ENSA: variants seen among roughly 807,000 people sequenced by gnomAD.
The protein encoded by ENSA is alpha-endosulfine.
In ENSA, 7 loss-of-function variants were observed where a neutral mutation model predicts 16.8. The ratio of observed to expected loss-of-function variants is 0.42; its 90% confidence interval spans 0.24 to 0.78. The LOEUF is 0.78. Ranked by LOEUF, ENSA falls within the 30% of genes least tolerant of loss-of-function variation. ENSA has a pLI of 0.29. For missense variants in ENSA, 87 were observed against 142.3 expected, an observed-to-expected ratio of 0.61 and a Z score of 1.98; for synonymous variants, 58 against 53.4, an observed-to-expected ratio of 1.09 and a Z score of -0.37.
chr1:150,629,481 G>A lies in ENSA; in HGVS notation c.-11C>T. 6.2e-7 allele frequency: 1 copy of A among 1,613,096 alleles called. No individual in the cohort carries two copies. The highest frequency in any genetic ancestry group is 1.1e-5 in the South Asian group (1 of 91,022). On this transcript the variant is annotated 5_prime_UTR_variant, in exon 1 of 4. Transcript: ENST00000369014. ...TTGTTTCTGGGACATGGCGGGACCGGGACTGTGGAGTGTAAGGGGCCCGGG... is the reference window on the plus strand; with the variant it reads ...TTGTTTCTGGGACATGGCGGGACCGAGACTGTGGAGTGTAAGGGGCCCGGG...
At chr1:150,623,101 C>G (rs1213317164) in intron 3 of ENSA, among the ~76,000 whole-genome samples, 2 of 152,134 alleles carry the variant, frequency 1.3e-5, no homozygotes, top group African/African-American at 2.4e-5. Context: ...CCATGGATAA[C>G]AAACATAGAA....
rs587669662 is a variant in ENSA, at chr1:150,627,336, A to G, written c.183+131T>C. 1.9e-6 allele frequency: 3 copies of G among 1,603,316 alleles called. No homozygotes were observed. In the Admixed American group the frequency reaches 5.3e-5, roughly 28 times the overall value. ...CATTAATTTGACTTGCTCTTTTCAA[A>G]TTTCAAATTCGCCTCTACTTCTGTT... On this transcript the variant is annotated intron_variant, in intron 2 of 3. Transcript: ENST00000369014.
At chr1:150,624,243 CAG>C (rs74891620) in intron 3 of ENSA, 126,238 of 985,680 alleles carry the variant, frequency 0.13, 8,439 homozygotes, top group East Asian at 0.18. Context: ...TCTGGGGATG[CAG>C]AGATTTCTCA....
intron 2 of ENSA, chr1:150,626,363 T>C (rs1028701150): frequency 2.1e-6 from 2 of 940,906 alleles, no homozygotes; most frequent in Non-Finnish European, 3.4e-6. Flanking sequence ...TCCATGACTG[T>C]GACAGCCTGC....
In ENSA at chr1:150,622,730, C is replaced by G. The variant is rs587638267; in HGVS notation, c.*114G>C. On this transcript the variant is annotated 3_prime_UTR_variant, in exon 4 of 4. Transcript: ENST00000369014. ...GGCTTCTGCCTCTCCAGCCCACACC[C>G]GAGCCACCTCCTGACCCCTGGCTGC... is the stretch of plus-strand genomic sequence containing the variant. The G allele has an allele frequency of 1.2e-5, 15 of 1,228,662 alleles. No individual in the cohort carries two copies. Among genetic ancestry groups the G allele is most frequent in the South Asian group, 3.0e-5 (2 of 67,746 alleles). The allele number at this position is 1,228,662 out of a possible 1,614,324, so 76.1% of individuals were successfully genotyped here.
chr1:150,624,850 A>C, intron 3 of ENSA: 2 of 977,652 alleles, frequency 2.0e-6, no homozygotes, highest in Non-Finnish European at 2.4e-6. Flanking sequence ...AGATGAGGAA[A>C]TAGAAATCCA....
chr1:150,624,536 T>C, intron 3 of ENSA: 10 of 985,916 alleles, frequency 1.0e-5, no homozygotes, highest in Non-Finnish European at 1.2e-5. Context: ...GAAAGTGGGC[T>C]GGGTCAGAGG....
At chr1:150,628,937 A>C in intron 1 of ENSA, 1 of 1,005,684 alleles carries the variant, frequency 9.9e-7, no homozygotes, top group Non-Finnish European at 1.5e-6. Context: ...GCCTTAAACT[A>C]GCCATTATAA....
Position 150,627,769 on chromosome 1 carries a change from T to C in ENSA, c.58-177A>G, listed in dbSNP as rs145869882. ...AAATCCCTAAAGCTCAAGATGACTA[T>C]TGTGAGAGAAAAAGACAAGCTGCTT... is the stretch of plus-strand genomic sequence containing the variant. On this transcript the variant is annotated intron_variant, in intron 1 of 3. Coordinates refer to ENST00000369014, the MANE Select transcript of ENSA (RefSeq NM_004436.4). Among the ~76,000 whole-genome samples the C allele has an allele frequency of 1.4e-3, 209 of 152,304 alleles. 1 individual carries two copies. The highest frequency in any genetic ancestry group is 4.8e-3 in the African/African-American group (198 of 41,572).
At chr1:150,627,267 T>C (rs1649398625) in intron 2 of ENSA, 200 bp downstream of exon 2, 27 of 1,538,608 alleles carry the variant, frequency 1.8e-5, no homozygotes, top group Non-Finnish European at 2.4e-5. Context: ...CTTAATTTCC[T>C]ACATGGGAAA....
chr1:150,623,541 A>G (rs1029097279), intron 3 of ENSA: 2 of 985,684 alleles, frequency 2.0e-6, no homozygotes, highest in African/African-American at 3.5e-5. Context: ...TGAGGACTCA[A>G]GCTGAATGAT....
chr1:150,629,138 G>A, intron 1 of ENSA: 2 of 1,613,890 alleles, frequency 1.2e-6, no homozygotes, highest in Non-Finnish European at 1.7e-6. Flanking sequence ...CCAACCACCC[G>A]CCCCACGTCC....
chr1:150,624,884 G>C, intron 3 of ENSA: 1 of 969,478 alleles, frequency 1.0e-6, no homozygotes. Context: ...ACTTAATCAA[G>C]GTTATACAAC....
chr1:150,626,900 G>A (rs1036582816), intron 2 of ENSA: 9 of 380,622 alleles, frequency 2.4e-5, no homozygotes, highest in African/African-American at 4.4e-5. Context: ...AGGTACCTTT[G>A]GGAACTAAAA....
intron 3 of ENSA, chr1:150,625,237 T>C (rs1571009538): frequency 2.0e-6 from 2 of 990,606 alleles, no homozygotes; most frequent in Middle Eastern, 5.2e-4. Context: ...TCATTCAATC[T>C]ACCTTTCCCA....
At position 150,622,878 on chromosome 1, in the gene ENSA, GAAAAAAAA is replaced by G; in HGVS notation, c.351-27_351-20del. ...TTGGCCACTGCGGACGAACACAGAAGAAAAAAAAAAAAAACAACACTGTCAAGTAATAG... is the reference window on the plus strand; with the variant it reads ...TTGGCCACTGCGGACGAACACAGAAGAAAAAACAACACTGTCAAGTAATAG... On this transcript the variant is annotated intron_variant, in intron 3 of 3. Coordinates refer to ENST00000369014, the MANE Select transcript of ENSA (RefSeq NM_004436.4). 17 of 1,241,798 alleles carry G rather than the reference GAAAAAAAA, an allele frequency of 1.4e-5. No individual in the cohort carries two copies. Among genetic ancestry groups the G allele is most frequent in the Admixed American group, 2.9e-5 (1 of 34,534 alleles). The allele number at this position is 1,241,798 out of a possible 1,614,324, so 76.9% of individuals were successfully genotyped here.
chr1:150,629,141 C>G, intron 1 of ENSA: 1 of 1,614,170 alleles, frequency 6.2e-7, no homozygotes, highest in Non-Finnish European at 8.5e-7. Context: ...ACCACCCGCC[C>G]CACGTCCATG....
downstream of ENSA, chr1:150,621,998 C>CAT (rs1649015936): frequency 6.6e-6 from 1 of 152,214 alleles, no homozygotes; most frequent in Non-Finnish European, 1.5e-5. Flanking sequence ...TTTATGCCAA[C>CAT]ATTCCTGCTC....
intron 1 of ENSA, 140 bp downstream of exon 1, chr1:150,629,274 A>C: frequency 2.0e-6 from 3 of 1,507,328 alleles, no homozygotes; most frequent in African/African-American, 2.8e-5. Context: ...TGTCGTGTTG[A>C]AGCTCACCCA....
Sources: gnomAD v4.1 joint callset for allele counts (sites outside exome capture counted in the v4.1 genomes callset) on GRCh38, gnomAD v4.1.1 for gene constraint, MANE v1.5 for transcripts, NCBI Gene and HGNC (gene_info 2026-07-23, HGNC 2026-07-21) for gene names.